PRKAR1B: variants seen among roughly 807,000 people sequenced by gnomAD.
The protein encoded by PRKAR1B is protein kinase cAMP-dependent type I regulatory subunit beta.
Under a neutral mutation model 46.5 loss-of-function variants are expected in PRKAR1B, and 22 were observed. That is an observed-to-expected ratio of 0.47 (90% confidence interval 0.34 to 0.68). The LOEUF (loss-of-function observed/expected upper bound fraction) is 0.68. Ranked by LOEUF, PRKAR1B falls within the 30% of genes least tolerant of loss-of-function variation. The pLI is 0.01. For synonymous variants in PRKAR1B, 259 were observed against 217.7 expected, an observed-to-expected ratio of 1.19 and a Z score of -1.67; for missense variants, 445 against 535.6, an observed-to-expected ratio of 0.83 and a Z score of 1.67.
chr7:726,993 C>G, intron 1 of PRKAR1B: 1 of 1,261,508 alleles, frequency 7.9e-7, no homozygotes, highest in Non-Finnish European at 1.0e-6. Context: ...CCGCCGAGGG[C>G]TGCCGCGCGC....
At chr7:687,758 G>A (rs1027841927) in intron 2 of PRKAR1B, among the ~76,000 whole-genome samples, 4 of 152,114 alleles carry the variant, frequency 2.6e-5, no homozygotes, top group Admixed American at 2.0e-4. Flanking sequence ...GTGGTAAACC[G>A]CAGGAGCTAA....
intron 4 of PRKAR1B, among the ~76,000 whole-genome samples, chr7:615,726 G>C (rs1782770600): frequency 1.3e-5 from 2 of 150,100 alleles, no homozygotes; most frequent in South Asian, 4.2e-4. Flanking sequence ...TACTCGGGAG[G>C]CTGAGGCAGG....
In PRKAR1B at chr7:566,109, G is replaced by A; in HGVS notation, c.891+13147C>T. Among the ~76,000 whole-genome samples, 2 of 93,002 alleles carry A rather than the reference G, an allele frequency of 2.2e-5. 1 individual carries two copies. The highest frequency in any genetic ancestry group is 4.8e-5 in the Non-Finnish European group (2 of 41,856). The allele number at this position is 93,002 out of a possible 152,430, so 61.0% of individuals were successfully genotyped here. On this transcript the variant is annotated intron_variant, in intron 9 of 10. Transcript: ENST00000537384. The stretch of plus-strand genomic sequence containing the variant: ...TGGAAATGTTTGAAACAGAGTAAAA[G>A]CTAAAAAAGTGTTAGTCACCACCGC...
At chr7:597,313 G>A (rs964072817) in intron 6 of PRKAR1B, among the ~76,000 whole-genome samples, 2 of 152,212 alleles carry the variant, frequency 1.3e-5, no homozygotes, top group Non-Finnish European at 2.9e-5. Context: ...AAAAGGCCAC[G>A]CAGGTGTAAC....
intron 9 of PRKAR1B, among the ~76,000 whole-genome samples, chr7:557,202 G>C (rs1778501153): frequency 2.0e-5 from 3 of 152,218 alleles, no homozygotes. Context: ...AGGAGGGAAA[G>C]AGGCAGGACC....
rs528026989 is a variant in PRKAR1B, at chr7:560,907, C to G, written c.892-9437G>C. ...CGTTCCTCCCTCCAGTGAGACTCCT[C>G]AGAGCCTGGAAAATTCAGGCTCACT... On this transcript the variant is annotated intron_variant, in intron 9 of 10. Transcript: ENST00000537384. This position sits in a 1 kb window ranked among gnomAD's most constrained non-coding sequence, Gnocchi z 4.2. Among the ~76,000 whole-genome samples the G allele has an allele frequency of 6.6e-6, 1 of 152,318 alleles. No individual in the cohort carries two copies.
chr7:571,536 T>G (rs542376200), intron 9 of PRKAR1B, among the ~76,000 whole-genome samples: 36 of 152,302 alleles, frequency 2.4e-4, no homozygotes, highest in African/African-American at 8.7e-4. Flanking sequence ...TTCATAAAAT[T>G]AATTTGCTAA....
At chr7:578,087 G>T (rs146468292) in intron 9 of PRKAR1B, among the ~76,000 whole-genome samples, 2 of 152,336 alleles carry the variant, frequency 1.3e-5, no homozygotes, top group Non-Finnish European at 2.9e-5. Flanking sequence ...AATGGTGCAC[G>T]GGTGGGCGTG....
intron 4 of PRKAR1B, among the ~76,000 whole-genome samples, chr7:627,719 G>A (rs368242842): frequency 1.1e-3 from 164 of 152,004 alleles, no homozygotes; most frequent in African/African-American, 3.3e-3. Flanking sequence ...AGAGCCCCCC[G>A]CCCAGCTCAC....
chr7:586,189 C>T (rs548725830), intron 7 of PRKAR1B, among the ~76,000 whole-genome samples: 4 of 152,288 alleles, frequency 2.6e-5, no homozygotes, highest in Admixed American at 1.3e-4. Context: ...GCGTGAGAAA[C>T]AGCCGTGTGG....
At chr7:705,265 T>C (rs1780262673) in intron 2 of PRKAR1B, among the ~76,000 whole-genome samples, 1 of 149,228 alleles carries the variant, frequency 6.7e-6, no homozygotes, top group East Asian at 2.0e-4. Flanking sequence ...ATCACGCCAT[T>C]GCCCTCCAGC....
In PRKAR1B at chr7:584,557, C is replaced by T. The variant is rs1211788452; in HGVS notation, c.720G>A (p.Leu240=). The T allele has an allele frequency of 1.9e-6, 3 of 1,613,666 alleles. No individual in the cohort carries two copies. The African/African-American group carries it at 4.0e-5, about 22-fold the overall frequency. The change falls in exon 8 of 11, where the codon CTG becomes CTA. Residue 240 remains leucine, a synonymous_variant. Transcript: ENST00000537384. ...SYRRILMGST[L]RKRKMYEEFL... ...ACTCCTCGTACATCTTGCGTTTCCT[C>T]AGCGTGCTGCCCTGTTCGGGAGAAA...
intron 4 of PRKAR1B, among the ~76,000 whole-genome samples, chr7:670,690 C>G (rs1304059947): frequency 6.6e-6 from 1 of 150,998 alleles, no homozygotes; most frequent in African/African-American, 2.4e-5. Flanking sequence ...AGGACGGCCT[C>G]CGAGCTCCCC....
intron 4 of PRKAR1B, among the ~76,000 whole-genome samples, chr7:609,828 A>G (rs1224340337): frequency 6.6e-6 from 1 of 151,774 alleles, no homozygotes; most frequent in Non-Finnish European, 1.5e-5. Context: ...GCAGCCTCCA[A>G]CTCCTGGGTT....
Position 667,645 on chromosome 7 carries a change from TAGCG to T in PRKAR1B, c.440+9580_440+9583del, listed in dbSNP as rs10568268. On this transcript the variant is annotated intron_variant, in intron 4 of 10. Transcript: ENST00000537384. The surrounding 1 kb of genome is among the most constrained non-coding windows in gnomAD (Gnocchi z 4.3). The stretch of plus-strand genomic sequence containing the variant: ...ATCTTCCTTCACCATGCAGGCAGGG[TAGCG>T]GCAGGTGCAGGTGATGTGTCCTTAC... Among the ~76,000 whole-genome samples, 2,162 of 152,252 alleles carry T rather than the reference TAGCG, an allele frequency of 0.014. 55 individuals are homozygous for T. Among genetic ancestry groups the T allele is most frequent in the African/African-American group, 0.049 (2,041 of 41,524 alleles).
intron 10 of PRKAR1B, 144 bp downstream of exon 10, chr7:551,245 G>T: frequency 1.3e-6 from 1 of 775,258 alleles, no homozygotes; most frequent in Non-Finnish European, 2.1e-6. Context: ...TGAGCCTTCT[G>T]TTGCAGCCAC....
intron 4 of PRKAR1B, among the ~76,000 whole-genome samples, chr7:609,200 G>C (rs1443253918): frequency 1.3e-5 from 2 of 152,160 alleles, no homozygotes; most frequent in Non-Finnish European, 2.9e-5. Context: ...CCTGGTGCAC[G>C]CATCTGCAGG....
At chr7:706,535 T>C (rs1281257655) in intron 2 of PRKAR1B, among the ~76,000 whole-genome samples, 1 of 146,620 alleles carries the variant, frequency 6.8e-6, no homozygotes, top group Non-Finnish European at 1.5e-5. Context: ...GCAATTCTCC[T>C]ACCTCAGCCT....
At chr7:659,771 ATC>A (rs1785408430) in intron 4 of PRKAR1B, among the ~76,000 whole-genome samples, 1 of 152,042 alleles carries the variant, frequency 6.6e-6, no homozygotes, top group Non-Finnish European at 1.5e-5. Flanking sequence ...CAGTGGCGCG[ATC>A]TCGGCTCACT....
Sources: allele counts gnomAD v4.1 joint callset (sites outside exome capture counted in the v4.1 genomes callset), GRCh38; gene constraint gnomAD v4.1.1; non-coding constraint Gnocchi (gnomAD v3.1); transcripts MANE v1.5; gene names NCBI Gene and HGNC (gene_info 2026-07-23, HGNC 2026-07-21).